The following DRC5 variants were observed in gnomAD, a reference collection of about 807,000 sequenced individuals.
DRC5 encodes the protein dynein regulatory complex subunit 5.
At chr6:44,290,069 T>C in the DRC5 span, among the ~76,000 whole-genome samples, 8 of 152,258 alleles carry the variant, frequency 5.3e-5, no homozygotes, top group Non-Finnish European at 1.0e-4. Context: ...TATCTAGGTA[T>C]TGTGACATCC....
At chr6:44,294,772 C>CAAAAAAAAAAAAAAAAAAA in the DRC5 span, among the ~76,000 whole-genome samples, 2 of 88,744 alleles carry the variant, frequency 2.3e-5, no homozygotes, top group Non-Finnish European at 4.1e-5. Context: ...AACTCTGTCT[C>CAAAAAAAAAAAAAAAAAAA]AAAAAAAAAA....
the DRC5 span, among the ~76,000 whole-genome samples, chr6:44,284,028 T>C: frequency 6.6e-6 from 1 of 152,194 alleles, no homozygotes. Flanking sequence ...TTTAAACATA[T>C]GTGAGTTATT....
the DRC5 span, among the ~76,000 whole-genome samples, chr6:44,293,615 C>T: frequency 6.6e-6 from 1 of 152,192 alleles, no homozygotes; most frequent in South Asian, 2.1e-4. Flanking sequence ...GGTCTCCTAC[C>T]TCTAGCCACA....
At chr6:44,285,899 G>A in the DRC5 span, 48 of 1,401,680 alleles carry the variant, frequency 3.4e-5, no homozygotes, top group Non-Finnish European at 4.4e-5. Flanking sequence ...AGGAGGAAGA[G>A]GAGGGGAGAG....
chr6:44,287,628 A>T, the DRC5 span: 1 of 1,614,182 alleles, frequency 6.2e-7, no homozygotes, highest in Non-Finnish European at 8.5e-7. Context: ...CAGGATCCTC[A>T]GCAATGATCC....
chr6:44,285,153 T>C, the DRC5 span, among the ~76,000 whole-genome samples: 1 of 152,212 alleles, frequency 6.6e-6, no homozygotes, highest in Non-Finnish European at 1.5e-5. Flanking sequence ...AGACTGTAAC[T>C]CGTCCTCCTC....
chr6:44,283,862 C>T, the DRC5 span, among the ~76,000 whole-genome samples: 3 of 152,230 alleles, frequency 2.0e-5, no homozygotes, highest in Non-Finnish European at 4.4e-5. Context: ...GCTGAGCCCC[C>T]TCTTTCAGCA....
At chr6:44,296,430 GTGGTGCTCTCCTGCCCCTGGCATATTC>G in the DRC5 span, among the ~76,000 whole-genome samples, 1 of 152,246 alleles carries the variant, frequency 6.6e-6, no homozygotes, top group African/African-American at 2.4e-5. Context: ...GTGCTGCAGA[GTGGTGCTCTCCTGCCCCTGGCATATTC>G]CCTCCACAGG....
At chr6:44,297,014 C>T in the DRC5 span, among the ~76,000 whole-genome samples, 1 of 5,042 alleles carries the variant, frequency 2.0e-4, no homozygotes, top group Non-Finnish European at 3.3e-3. Context: ...CCTCCCAACT[C>T]CTGACCACTC....
At chr6:44,296,634 C>A in the DRC5 span, among the ~76,000 whole-genome samples, 1 of 142,106 alleles carries the variant, frequency 7.0e-6, no homozygotes, top group Admixed American at 7.4e-5. Context: ...CCCCTCCTCC[C>A]TTCCTCTTAG....
chr6:44,290,304 G>A, the DRC5 span, among the ~76,000 whole-genome samples: 86 of 152,120 alleles, frequency 5.7e-4, no homozygotes, highest in Non-Finnish European at 1.0e-3. Flanking sequence ...CTGAGAAACT[G>A]GATAATAATA....
At chr6:44,282,011 T>C in the DRC5 span, 9 of 1,140,122 alleles carry the variant, frequency 7.9e-6, no homozygotes, top group Non-Finnish European at 1.0e-5. Flanking sequence ...TGATGCAGTA[T>C]GTAGTATGTA....
At chr6:44,287,788 G>A in the DRC5 span, 1 of 1,614,166 alleles carries the variant, frequency 6.2e-7, no homozygotes, top group South Asian at 1.1e-5. Context: ...GGAGTGGCTG[G>A]GGTCCAACAA....
the DRC5 span, among the ~76,000 whole-genome samples, chr6:44,289,559 C>A: frequency 6.6e-6 from 1 of 152,106 alleles, no homozygotes; most frequent in East Asian, 1.9e-4. Flanking sequence ...CCATGCCCTG[C>A]CCAAGGTGCC....
chr6:44,285,994 T>C, the DRC5 span: 1 of 1,613,954 alleles, frequency 6.2e-7, no homozygotes. Context: ...TGATGGCGGC[T>C]GCCAAGGAGA....
the DRC5 span, among the ~76,000 whole-genome samples, chr6:44,289,694 T>C: frequency 6.6e-6 from 1 of 152,082 alleles, no homozygotes; most frequent in Non-Finnish European, 1.5e-5. Flanking sequence ...TGGGCAAGCG[T>C]GGGAGGCGAG....
chr6:44,295,133 T>C, the DRC5 span, among the ~76,000 whole-genome samples: 1 of 152,226 alleles, frequency 6.6e-6, no homozygotes, highest in Non-Finnish European at 1.5e-5. Context: ...AGTCAGAGAA[T>C]GCCAGAGTTT....
At chr6:44,283,473 C>T in the DRC5 span, among the ~76,000 whole-genome samples, 2 of 152,170 alleles carry the variant, frequency 1.3e-5, no homozygotes, top group African/African-American at 2.4e-5. Context: ...CTCACCTTCC[C>T]GCTGGCTTGT....
the DRC5 span, among the ~76,000 whole-genome samples, chr6:44,289,218 G>A: frequency 1.3e-5 from 2 of 151,424 alleles, no homozygotes; most frequent in Admixed American, 1.3e-4. Context: ...TGTATTTTTA[G>A]TAGAGACGGG....
Sources: allele counts gnomAD v4.1 joint callset (sites outside exome capture counted in the v4.1 genomes callset), GRCh38; gene constraint gnomAD v4.1.1; transcripts MANE v1.5; gene names NCBI Gene and HGNC (gene_info 2026-07-23, HGNC 2026-07-21).